The following ZNF410 variants were observed in gnomAD, a reference collection of about 807,000 sequenced individuals.
ZNF410 encodes zinc finger protein 410, also known as another partner for ARF 1.
Under a neutral mutation model 54.8 loss-of-function variants are expected in ZNF410, and 18 were observed. The observed-to-expected ratio is 0.33, with a 90% CI of 0.23 to 0.49. The LOEUF (loss-of-function observed/expected upper bound fraction) is 0.49, where lower values mean the gene tolerates loss of function less well. Among genes scored for constraint, ZNF410 ranks in the 20% least tolerant of loss-of-function variants. The pLI is 0.99. For missense variants in ZNF410, 405 were observed against 569.6 expected (o/e 0.71, Z 2.94); for synonymous variants, 191 against 207.3 (o/e 0.92, Z 0.68).
chr14:73,922,252 T>TA (rs2055767649), intron 10 of ZNF410, 46 bp downstream of exon 10: 13 of 1,591,044 alleles, frequency 8.2e-6, no homozygotes, highest in Non-Finnish European at 1.1e-5. Flanking sequence ...GGGCTGCAAC[T>TA]AGGGGCTAAG....
intron 11 of ZNF410, among the ~76,000 whole-genome samples, chr14:73,925,484 G>A (rs1037044012): frequency 4.0e-5 from 6 of 151,520 alleles, no homozygotes; most frequent in Admixed American, 3.3e-4. Context: ...CTGGAGTGCA[G>A]TGGTGCGATC....
At chr14:73,900,256 C>T (rs1318239835) in intron 5 of ZNF410, among the ~76,000 whole-genome samples, 1 of 151,796 alleles carries the variant, frequency 6.6e-6, no homozygotes, top group Non-Finnish European at 1.5e-5. Flanking sequence ...AAGATAATAC[C>T]CTAAAAGCCT....
chr14:73,903,769 T>A, intron 5 of ZNF410, 191 bp from the exon 6 acceptor site: 1 of 710,474 alleles, frequency 1.4e-6, no homozygotes, highest in Non-Finnish European at 2.2e-6. Flanking sequence ...CCAAAGTGCT[T>A]GGGATTATAG....
At chr14:73,908,697 G>GTCA (rs1209943031) in intron 7 of ZNF410, among the ~76,000 whole-genome samples, 1 of 152,074 alleles carries the variant, frequency 6.6e-6, no homozygotes, top group Non-Finnish European at 1.5e-5. Context: ...TTCCATCCTT[G>GTCA]TCATCTTTTA....
intron 4 of ZNF410, among the ~76,000 whole-genome samples, chr14:73,897,269 C>G (rs2055331919): frequency 6.6e-6 from 1 of 152,034 alleles, no homozygotes; most frequent in Non-Finnish European, 1.5e-5. Context: ...AATAGATACA[C>G]AAGTTAGAAG....
chr14:73,928,634 A>G (rs1594770618), intron 11 of ZNF410, among the ~76,000 whole-genome samples: 2 of 152,308 alleles, frequency 1.3e-5, no homozygotes, highest in Non-Finnish European at 1.5e-5. Flanking sequence ...GGGAGACAGC[A>G]TAACACAGGC....
At chr14:73,920,025 T>G (rs2055733736) in intron 8 of ZNF410, 1 of 151,860 alleles carries the variant, frequency 6.6e-6, no homozygotes, top group African/African-American at 2.4e-5. Flanking sequence ...TGAATAACCT[T>G]GTGCACAGAG....
intron 8 of ZNF410, 160 bp downstream of exon 8, chr14:73,909,590 A>T: frequency 2.0e-6 from 1 of 512,436 alleles, no homozygotes; most frequent in Non-Finnish European, 3.5e-6. Flanking sequence ...AAGGCCCTTA[A>T]TTCTTATAAT....
intron 8 of ZNF410, among the ~76,000 whole-genome samples, chr14:73,910,560 A>G (rs1251598301): frequency 6.6e-6 from 1 of 152,108 alleles, no homozygotes; most frequent in Non-Finnish European, 1.5e-5. Flanking sequence ...CCTGACCAAC[A>G]TGGTGAAACC....
intron 9 of ZNF410, 144 bp from the exon 10 acceptor site, chr14:73,921,922 G>A (rs895105227): frequency 4.7e-6 from 4 of 851,006 alleles, no homozygotes; most frequent in Non-Finnish European, 7.3e-6. Flanking sequence ...CTTGTTTCTC[G>A]AAAGTAGGTG....
intron 5 of ZNF410, among the ~76,000 whole-genome samples, chr14:73,901,723 G>A (rs1176995601): frequency 2.0e-5 from 3 of 150,976 alleles, no homozygotes; most frequent in Non-Finnish European, 4.4e-5. Context: ...TTGAGCTCAG[G>A]AGACCAGCCT....
At chr14:73,923,333 G>T in intron 10 of ZNF410, 62 bp from the exon 11 acceptor site, 1 of 1,544,254 alleles carries the variant, frequency 6.5e-7, no homozygotes, top group South Asian at 1.2e-5. Flanking sequence ...GAGGCTTAAT[G>T]ATCCAGATAG....
intron 3 of ZNF410, among the ~76,000 whole-genome samples, chr14:73,895,983 T>C (rs186990398): frequency 1.2e-3 from 188 of 152,306 alleles, no homozygotes; most frequent in Middle Eastern, 3.4e-3. Context: ...TTAGTATTCA[T>C]TGTATAGCTA....
rs1422307429 is a variant in ZNF410 at position 73,890,808 on chromosome 14, T to C, written c.-149-1219T>C. ...CAGGCGGATCACCTGAAGTTGGGAG[T>C]TCGAGACCAGCCTGACCAACATGGA... On this transcript the variant is annotated intron_variant, in intron 1 of 11. Coordinates refer to ENST00000555044, the MANE Select transcript of ZNF410 (RefSeq NM_021188.3). Among the ~76,000 whole-genome samples the C allele has an allele frequency of 3.9e-5, 6 of 151,950 alleles. No individual in the cohort carries two copies. In the East Asian group the frequency reaches 1.2e-3, roughly 30 times the overall value.
Position 73,892,084 on chromosome 14 carries a change from G to C in ZNF410, c.-92G>C. 7.5e-7 allele frequency: 1 copy of C among 1,340,146 alleles called. No homozygotes were observed. Among genetic ancestry groups the C allele is most frequent in the Non-Finnish European group, 1.1e-6 (1 of 930,314 alleles). 83.0% of individuals were successfully genotyped at this position (1,340,146 alleles called of 1,614,324 possible). On this transcript the variant is annotated 5_prime_UTR_variant, in exon 2 of 12. Coordinates refer to ENST00000555044, the MANE Select transcript of ZNF410 (RefSeq NM_021188.3). The stretch of plus-strand genomic sequence containing the variant: ...TACGGGAAGAGCATAGTATTTCCTA[G>C]AGGAATATGAACATAACAGGAAGGT...
At chr14:73,901,882 C>T (rs375622895) in intron 5 of ZNF410, among the ~76,000 whole-genome samples, 27 of 149,544 alleles carry the variant, frequency 1.8e-4, no homozygotes, top group Middle Eastern at 3.5e-3. Context: ...TGCAGTGAAC[C>T]GAGATCATGC....
chr14:73,928,690 T>C (rs1300094910), intron 11 of ZNF410, among the ~76,000 whole-genome samples: 2 of 152,084 alleles, frequency 1.3e-5, no homozygotes, highest in Non-Finnish European at 2.9e-5. Flanking sequence ...ATGTCTATAA[T>C]CCCAGCACTT....
chr14:73,930,532 C>CTTTTATACAAAATT (rs2055896078), intron 11 of ZNF410, among the ~76,000 whole-genome samples: 1 of 152,086 alleles, frequency 6.6e-6, no homozygotes, highest in Non-Finnish European at 1.5e-5. Flanking sequence ...ACATCTCAAG[C>CTTTTATACAAAATT]TGAAGAATTT....
At chr14:73,909,503 T>A (rs1212312839) in intron 8 of ZNF410, 73 bp downstream of exon 8, 2 of 1,213,054 alleles carry the variant, frequency 1.6e-6, no homozygotes, top group Non-Finnish European at 2.4e-6. Flanking sequence ...GGGGGTGATA[T>A]AAAGACAACT....
Sources: allele counts gnomAD v4.1 joint callset (sites outside exome capture counted in the v4.1 genomes callset), GRCh38; gene constraint gnomAD v4.1.1; transcripts MANE v1.5; gene names NCBI Gene and HGNC (gene_info 2026-07-23, HGNC 2026-07-21).